The following MMP16 variants were observed in gnomAD, a reference collection of about 807,000 sequenced individuals.
The protein encoded by MMP16 is matrix metalloproteinase-16.
Under a neutral mutation model 67.8 loss-of-function variants are expected in MMP16, and 12 were observed. The ratio of observed to expected loss-of-function variants is 0.18; its 90% CI spans 0.11 to 0.29. MMP16 has a LOEUF of 0.29. Ranked by LOEUF, MMP16 falls within the 10% of genes least tolerant of loss-of-function variation. The pLI is 1.00. For missense variants in MMP16, 475 were observed against 765.7 expected (o/e 0.62, Z 4.48); for synonymous variants, 249 against 255.9 (o/e 0.97, Z 0.26).
intron 4 of MMP16, among the ~76,000 whole-genome samples, chr8:88,153,128 GAATAA>G (rs1274373003): frequency 7.0e-6 from 1 of 142,704 alleles, no homozygotes; most frequent in African/African-American, 2.6e-5. Context: ...GCTTCAAAGA[GAATAA>G]AATACCTAGG....
chr8:88,190,179 ACT>A (rs746991561), intron 2 of MMP16, among the ~76,000 whole-genome samples: 5 of 152,182 alleles, frequency 3.3e-5, no homozygotes, highest in Non-Finnish European at 4.4e-5. Context: ...AATGAAAAGA[ACT>A]CTGAATGAAG....
At chr8:88,163,282 G>C (rs576291696) in intron 4 of MMP16, among the ~76,000 whole-genome samples, 1 of 152,120 alleles carries the variant, frequency 6.6e-6, no homozygotes, top group African/African-American at 2.4e-5. Flanking sequence ...TCAGGAATGA[G>C]TGGGTTTGGA....
chr8:88,097,958 T>C (rs560706570), intron 6 of MMP16, among the ~76,000 whole-genome samples: 1 of 151,960 alleles, frequency 6.6e-6, no homozygotes, highest in African/African-American at 2.4e-5. Flanking sequence ...TGCCCAAGAC[T>C]TTTGACACCA....
chr8:88,159,300 A>C (rs1046454702), intron 4 of MMP16, among the ~76,000 whole-genome samples: 1 of 152,190 alleles, frequency 6.6e-6, no homozygotes. Flanking sequence ...ATCCATGGGC[A>C]TGGAAAGTTC....
chr8:88,130,490 G>T (rs1360122863), intron 4 of MMP16, among the ~76,000 whole-genome samples: 2 of 151,628 alleles, frequency 1.3e-5, no homozygotes, highest in African/African-American at 4.8e-5. Flanking sequence ...TTTTTTTAAT[G>T]ATAGATATAC....
intron 2 of MMP16, among the ~76,000 whole-genome samples, chr8:88,195,217 C>T (rs543146856): frequency 6.6e-6 from 1 of 152,258 alleles, no homozygotes; most frequent in South Asian, 2.1e-4. Context: ...ACATTTCCAT[C>T]CCAAGTCCTT....
At chr8:88,295,001 C>G (rs575102669) in intron 1 of MMP16, among the ~76,000 whole-genome samples, 11 of 152,330 alleles carry the variant, frequency 7.2e-5, no homozygotes, top group African/African-American at 2.6e-4. Flanking sequence ...GCATGAGCCA[C>G]CGGGCCTGGC....
intron 1 of MMP16, among the ~76,000 whole-genome samples, chr8:88,241,506 A>G (rs987777139): frequency 1.3e-5 from 2 of 152,132 alleles, no homozygotes; most frequent in African/African-American, 4.8e-5. Flanking sequence ...CATATGGTAA[A>G]AAAGGGAAGA....
rs138229809 is a variant in MMP16, at chr8:88,066,602, T to C, written c.1222+8003A>G. Among the ~76,000 whole-genome samples the C allele has an allele frequency of 1.3e-3, 197 of 152,166 alleles. 1 individual carries two copies. Among genetic ancestry groups the C allele is most frequent in the Middle Eastern group, 0.01 (3 of 294 alleles). ...CATACACCAAATGGCTGACTTTCAGTAAGAAAGCCCTGTGGGTTTGTACAT... is the reference window on the plus strand; with the variant it reads ...CATACACCAAATGGCTGACTTTCAGCAAGAAAGCCCTGTGGGTTTGTACAT... On this transcript the variant is annotated intron_variant, in intron 7 of 9. Coordinates refer to ENST00000286614, the MANE Select transcript of MMP16 (RefSeq NM_005941.5).
At chr8:88,200,622 G>A (rs560761285) in intron 1 of MMP16, among the ~76,000 whole-genome samples, 3 of 152,048 alleles carry the variant, frequency 2.0e-5, no homozygotes, top group African/African-American at 7.2e-5. Flanking sequence ...AATATTAAAT[G>A]TTGTGCCAAC....
chr8:88,143,547 AT>A (rs2118507222), intron 4 of MMP16, among the ~76,000 whole-genome samples: 1 of 152,176 alleles, frequency 6.6e-6, no homozygotes, highest in Non-Finnish European at 1.5e-5. Flanking sequence ...TTGCATAAGA[AT>A]TCATTATGTT....
At chr8:88,107,941 T>C (rs1030254697) in intron 6 of MMP16, among the ~76,000 whole-genome samples, 7 of 151,252 alleles carry the variant, frequency 4.6e-5, no homozygotes, top group Admixed American at 2.6e-4. Flanking sequence ...ATGTCAAATA[T>C]AAATATAATA....
chr8:88,098,271 G>A (rs1809064051), intron 6 of MMP16, among the ~76,000 whole-genome samples: 1 of 152,002 alleles, frequency 6.6e-6, no homozygotes, highest in Non-Finnish European at 1.5e-5. Context: ...ATGGGCTACT[G>A]CCAACTATGG....
rs144495863 is a variant in MMP16 at position 88,255,772 on chromosome 8, T to C, written c.133-58466A>G. 3.9e-5 allele frequency among the ~76,000 whole-genome samples: 6 copies of C among 152,294 alleles called. No homozygotes were observed. The East Asian group carries it at 1.2e-3, about 29-fold the overall frequency. ...ATTTTATATAGGTGCATGAAACATA[T>C]CAGACTTCCACACTGACGAACTGCT... On this transcript the variant is annotated intron_variant, in intron 1 of 9. Transcript: ENST00000286614.
chr8:88,158,715 G>A (rs938762196), intron 4 of MMP16, among the ~76,000 whole-genome samples: 1 of 152,120 alleles, frequency 6.6e-6, no homozygotes, highest in African/African-American at 2.4e-5. Flanking sequence ...ATTGCTTTTG[G>A]TGTTTTAGTC....
intron 4 of MMP16, among the ~76,000 whole-genome samples, chr8:88,128,180 C>T (rs1274972131): frequency 6.6e-6 from 1 of 151,806 alleles, no homozygotes; most frequent in Admixed American, 6.6e-5. Context: ...TACATGCTTG[C>T]ACAATTGCAT....
chr8:88,242,341 C>A (rs578109440), intron 1 of MMP16, among the ~76,000 whole-genome samples: 4 of 152,226 alleles, frequency 2.6e-5, no homozygotes, highest in Admixed American at 2.6e-4. Context: ...AGTAGAAATT[C>A]TAGGAAAAAT....
At chr8:88,097,070 G>A (rs1351058) in intron 6 of MMP16, among the ~76,000 whole-genome samples, 65,259 of 151,650 alleles carry the variant, frequency 0.43, 14,453 homozygotes, top group Middle Eastern at 0.53. Flanking sequence ...GCTCCTTCAC[G>A]TGGCAGATTT....
chr8:88,150,717 A>G (rs1324793678), intron 4 of MMP16, among the ~76,000 whole-genome samples: 4 of 144,862 alleles, frequency 2.8e-5, no homozygotes, highest in South Asian at 4.7e-4. Flanking sequence ...AGGAAGCGCT[A>G]AACATGGAAA....
Sources: allele counts gnomAD v4.1 joint callset (sites outside exome capture counted in the v4.1 genomes callset), GRCh38; gene constraint gnomAD v4.1.1; transcripts MANE v1.5; gene names NCBI Gene and HGNC (gene_info 2026-07-23, HGNC 2026-07-21).